Variants in PTPRN2 observed in about 807,000 individuals in gnomAD.
PTPRN2 encodes the protein receptor-type tyrosine-protein phosphatase N2.
Under a neutral mutation model 118.8 loss-of-function variants are expected in PTPRN2, and 74 were observed. The ratio of observed to expected loss-of-function variants is 0.62; its 90% CI spans 0.52 to 0.76. The LOEUF (loss-of-function observed/expected upper bound fraction) is 0.76. Ranked by LOEUF, PTPRN2 falls within the 30% of genes least tolerant of loss-of-function variation. The probability of loss-of-function intolerance (pLI) is 0.00; values close to 1 mark genes in which losing one functional copy is unlikely to be tolerated. For synonymous variants in PTPRN2, 641 were observed against 608.0 expected (o/e 1.05, Z -0.80); for missense variants, 1,481 against 1,394.4 (o/e 1.06, Z -0.99).
chr7:158,119,035 G>A (rs1816942868), intron 9 of PTPRN2, among the ~76,000 whole-genome samples: 1 of 152,142 alleles, frequency 6.6e-6, no homozygotes, highest in Non-Finnish European at 1.5e-5. Context: ...ATAGCACTGT[G>A]AGTGTATTAT....
rs571641887 is a variant in PTPRN2, at chr7:158,081,622, C to T, written c.1644-245G>A. On this transcript the variant is annotated intron_variant, in intron 10 of 22. Coordinates refer to ENST00000389418, the MANE Select transcript of PTPRN2 (RefSeq NM_002847.5). Reference sequence around the variant, plus strand: ...CACACATCACAGTGTAATATGCTATCCTAAAAAATTCACATCAACCTCTGA... The same window carrying T: ...CACACATCACAGTGTAATATGCTATTCTAAAAAATTCACATCAACCTCTGA... Among the ~76,000 whole-genome samples the T allele has an allele frequency of 1.9e-4, 29 of 152,252 alleles. No individual in the cohort carries two copies. In the Middle Eastern group the frequency reaches 0.01, roughly 54 times the overall value.
intron 12 of PTPRN2, among the ~76,000 whole-genome samples, chr7:157,851,072 T>C (rs1037589319): frequency 2.6e-5 from 4 of 152,186 alleles, no homozygotes; most frequent in Non-Finnish European, 4.4e-5. Context: ...TTCTGTCCCA[T>C]GGCCCCGCAC....
Position 158,544,262 on chromosome 7 carries a change from G to A in PTPRN2, c.112+43296C>T, listed in dbSNP as rs561896625. 6.6e-5 allele frequency among the ~76,000 whole-genome samples: 10 copies of A among 152,046 alleles called. No individual in the cohort carries two copies. Among genetic ancestry groups the A allele is most frequent in the African/African-American group, 2.2e-4 (9 of 41,454 alleles). On this transcript the variant is annotated intron_variant, in intron 1 of 22. Transcript: ENST00000389418. The surrounding 1 kb of genome is among the most constrained non-coding windows in gnomAD (Gnocchi z 4.2). The stretch of plus-strand genomic sequence containing the variant: ...CGGCAACGTTGACTCTAAAGCAAGC[G>A]TATCCAGCCCACAGGCCACGGCCCA...
chr7:158,512,535 T>G (rs1026020649), intron 1 of PTPRN2, among the ~76,000 whole-genome samples: 4 of 152,140 alleles, frequency 2.6e-5, no homozygotes, highest in African/African-American at 9.7e-5. Flanking sequence ...CACACCCACA[T>G]GCACACACTC....
intron 1 of PTPRN2, among the ~76,000 whole-genome samples, chr7:158,585,624 C>T (rs1253504263): frequency 6.6e-6 from 1 of 152,198 alleles, no homozygotes; most frequent in Non-Finnish European, 1.5e-5. Flanking sequence ...AGCAGCTTTC[C>T]TCTCTTCATG....
intron 12 of PTPRN2, among the ~76,000 whole-genome samples, chr7:157,877,403 G>A (rs542476799): frequency 3.6e-4 from 52 of 145,332 alleles, no homozygotes; most frequent in African/African-American, 1.1e-3. Context: ...TGAGTGCAGC[G>A]CCAGGGTTTC....
rs989982433 is a variant in PTPRN2 at position 157,676,136 on chromosome 7, C to T, written c.2001+6589G>A. On this transcript the variant is annotated intron_variant, in intron 13 of 22. Transcript: ENST00000389418. This position sits in a 1 kb window ranked among gnomAD's most constrained non-coding sequence, Gnocchi z 5.6. ...TCTGGGCCGGCACACAACTTGCAGC[C>T]GAGTCCTTTCCACGACACCCCAGCT... Among the ~76,000 whole-genome samples, 34 of 152,178 alleles carry T rather than the reference C, an allele frequency of 2.2e-4. 2 individuals carry two copies. Among genetic ancestry groups the T allele is most frequent in the South Asian group, 2.1e-4 (1 of 4,808 alleles).
rs1315747224 is a variant in PTPRN2, at chr7:158,224,780, C to A, written c.278-19507G>T. Among the ~76,000 whole-genome samples, 6 of 152,100 alleles carry A rather than the reference C, an allele frequency of 3.9e-5. No individual in the cohort carries two copies. In the East Asian group the frequency reaches 1.2e-3, roughly 29 times the overall value. ...CTCTGTGGAAAGGCCCTCTTAAGAG[C>A]TGAAACAATGAGCGCAGAGTTGGAG... On this transcript the variant is annotated intron_variant, in intron 3 of 22. Coordinates refer to ENST00000389418, the MANE Select transcript of PTPRN2 (RefSeq NM_002847.5).
chr7:157,556,398 A>T (rs1242272930), intron 21 of PTPRN2, among the ~76,000 whole-genome samples: 1 of 149,258 alleles, frequency 6.7e-6, no homozygotes, highest in Non-Finnish European at 1.5e-5. Context: ...ACACTCACCC[A>T]CACTCACATC....
At chr7:157,571,183 G>A (rs1463827665) in intron 20 of PTPRN2, among the ~76,000 whole-genome samples, 1 of 130,256 alleles carries the variant, frequency 7.7e-6, no homozygotes, top group Non-Finnish European at 1.5e-5. Flanking sequence ...CCATTGCACT[G>A]CAGCGTGGGC....
intron 14 of PTPRN2, among the ~76,000 whole-genome samples, chr7:157,641,393 T>C (rs1304457975): frequency 6.6e-6 from 1 of 152,244 alleles, no homozygotes; most frequent in African/African-American, 2.4e-5. Context: ...AGAGATTAGC[T>C]TTTTTAAAGA....
chr7:158,208,319 T>C (rs1467220473), intron 3 of PTPRN2, among the ~76,000 whole-genome samples: 3 of 152,110 alleles, frequency 2.0e-5, no homozygotes, highest in Non-Finnish European at 4.4e-5. Flanking sequence ...CTAAACAGAT[T>C]CAACCCAAAT....
chr7:158,172,163 C>T (rs1016435714), intron 5 of PTPRN2, among the ~76,000 whole-genome samples: 1 of 152,200 alleles, frequency 6.6e-6, no homozygotes, highest in African/African-American at 2.4e-5. Context: ...AAAGAAGGCT[C>T]ACTGAAAGAC....
chr7:158,585,506 G>A (rs1044832833), intron 1 of PTPRN2, among the ~76,000 whole-genome samples: 4 of 152,198 alleles, frequency 2.6e-5, no homozygotes, highest in Middle Eastern at 6.3e-3. Flanking sequence ...TGTTACCAGT[G>A]ACACCGTGAT....
At chr7:157,812,489 T>C (rs1806117936) in intron 12 of PTPRN2, among the ~76,000 whole-genome samples, 1 of 152,176 alleles carries the variant, frequency 6.6e-6, no homozygotes, top group Non-Finnish European at 1.5e-5. Flanking sequence ...AAAGAAAAAC[T>C]CTTTCAACAC....
chr7:158,055,118 A>T (rs1214831283), intron 11 of PTPRN2, among the ~76,000 whole-genome samples: 1 of 152,260 alleles, frequency 6.6e-6, no homozygotes, highest in Non-Finnish European at 1.5e-5. Context: ...TATGAATATC[A>T]TTCATCATTA....
In PTPRN2 at chr7:158,133,698, C is replaced by A. The variant is rs774648617; in HGVS notation, c.1535G>T (p.Gly512Val). ...EVQPSEEEAR[G>V]YIVTDRDPLR... is the part of the protein sequence containing the mutation. ...TCACTCTCTGTCTGTCACGATGTAG[C>A]CCCGCGCCTCTTCCTCGGAAGGCTG... Residue 512 changes from glycine (G) to valine (V), a missense_variant, in exon 9 of 23, where the codon GGC (glycine) becomes GTC (valine). By Grantham distance (109) the Gly-to-Val change is moderately radical (BLOSUM62 -3). This residue lies in a region of PTPRN2 where 1,115 missense variants were observed against 994.2 expected (regional missense o/e 1.12). Coordinates refer to ENST00000389418, the MANE Select transcript of PTPRN2 (RefSeq NM_002847.5). 2 of 1,599,870 alleles carry A rather than the reference C, an allele frequency of 1.3e-6. No homozygotes were observed. The highest frequency in any genetic ancestry group is 1.7e-6 in the Non-Finnish European group (2 of 1,173,816).
chr7:158,363,042 G>T lies in PTPRN2; in HGVS notation c.164-46110C>A, dbSNP rs552926720. Among the ~76,000 whole-genome samples the T allele has an allele frequency of 1.5e-4, 23 of 152,286 alleles. No homozygotes were observed. In the South Asian group the frequency reaches 4.8e-3, roughly 32 times the overall value. ...AACAGAGGCGGCCCCAGCTGTCTCCGCAGGATTATGCACCGCGCGTCATGA... is the reference window on the plus strand; with the variant it reads ...AACAGAGGCGGCCCCAGCTGTCTCCTCAGGATTATGCACCGCGCGTCATGA... On this transcript the variant is annotated intron_variant, in intron 2 of 22. Coordinates refer to ENST00000389418, the MANE Select transcript of PTPRN2 (RefSeq NM_002847.5).
Position 157,604,064 on chromosome 7 carries a change from G to A in PTPRN2, c.2356C>T (p.Arg786Trp), listed in dbSNP as rs201790422. The A allele has an allele frequency of 6.2e-6, 10 of 1,613,578 alleles. No homozygotes were observed. The highest frequency in any genetic ancestry group is 1.6e-4 in the Middle Eastern group (1 of 6,084). The change falls in exon 16 of 23, where the codon CGG becomes TGG. Residue 786 changes from arginine to tryptophan, a missense_variant. Around this residue, in one of 3 missense-constraint regions of PTPRN2, gnomAD observed 362 missense variants for 384.1 expected, o/e 0.94. Coordinates refer to ENST00000389418, the MANE Select transcript of PTPRN2 (RefSeq NM_002847.5). ...SLAVLTYDHS[R>W]VLLKAENSHS... The stretch of plus-strand genomic sequence containing the variant: ...CTGTTCTCCGCCTTCAGCAGGACCC[G>A]GGAGTGGTCATCTGCAAGGACACAG...
Sources: allele counts gnomAD v4.1 joint callset (sites outside exome capture counted in the v4.1 genomes callset), GRCh38; gene constraint gnomAD v4.1.1; regional missense constraint gnomAD v4.1.1; non-coding constraint Gnocchi (gnomAD v3.1); transcripts MANE v1.5; gene names NCBI Gene and HGNC (gene_info 2026-07-23, HGNC 2026-07-21).